KCNB2: variants seen among roughly 807,000 people sequenced by gnomAD.
KCNB2 encodes the protein delayed rectifier potassium channel protein.
KCNB2 carries 15 observed loss-of-function variants against 61.5 expected under a neutral mutation model. The observed-to-expected ratio is 0.24, with a 90% confidence interval of 0.16 to 0.38. KCNB2 has a LOEUF of 0.38. Among genes scored for constraint, KCNB2 ranks in the 10% least tolerant of loss-of-function variants. The pLI is 1.00. For synonymous variants in KCNB2, 457 were observed against 446.0 expected, an observed-to-expected ratio of 1.02 and a Z score of -0.31; for missense variants, 828 against 1,125.2, an observed-to-expected ratio of 0.74 and a Z score of 3.78.
chr8:72,550,903 G>A (rs774126834), intron 1 of KCNB2, among the ~76,000 whole-genome samples: 1 of 152,180 alleles, frequency 6.6e-6, no homozygotes, highest in Non-Finnish European at 1.5e-5. Context: ...AGACAGGCAG[G>A]GCTGACAGAG....
chr8:72,569,644 T>C (rs912048375), intron 2 of KCNB2, among the ~76,000 whole-genome samples: 2 of 149,888 alleles, frequency 1.3e-5, no homozygotes, highest in African/African-American at 5.0e-5. Context: ...AAAAAAAAAA[T>C]GTGCCGCATT....
intron 2 of KCNB2, among the ~76,000 whole-genome samples, chr8:72,693,978 T>C (rs1318142843): frequency 5.3e-5 from 8 of 152,196 alleles, no homozygotes; most frequent in Admixed American, 2.6e-4. Flanking sequence ...CCAAATATAA[T>C]ATAGAATGTT....
rs141729960 is a variant in KCNB2 at position 72,772,389 on chromosome 8, A to G, written c.580-163546A>G. 2.8e-3 allele frequency among the ~76,000 whole-genome samples: 428 copies of G among 152,276 alleles called. 2 individuals carry two copies. The highest frequency in any genetic ancestry group is 9.6e-3 in the African/African-American group (399 of 41,564). On this transcript the variant is annotated intron_variant, in intron 2 of 2. Coordinates refer to ENST00000523207, the MANE Select transcript of KCNB2 (RefSeq NM_004770.3). ...AGTCATGACAATCAAATTGTCTCCA[A>G]TTGGTTAAATCAGTCATTGCTAAAT... is the stretch of plus-strand genomic sequence containing the variant.
At chr8:72,707,313 C>G (rs1291823672) in intron 2 of KCNB2, among the ~76,000 whole-genome samples, 1 of 152,184 alleles carries the variant, frequency 6.6e-6, no homozygotes, top group Non-Finnish European at 1.5e-5. Context: ...TTAAATTCTT[C>G]TTGGGAGCCC....
At chr8:72,702,761 G>C (rs35420720) in intron 2 of KCNB2, among the ~76,000 whole-genome samples, 8 of 152,092 alleles carry the variant, frequency 5.3e-5, no homozygotes, top group Admixed American at 5.2e-4. Context: ...TTTCAGCCTG[G>C]CTGACAGCTC....
At chr8:72,782,286 A>G (rs898577406) in intron 2 of KCNB2, among the ~76,000 whole-genome samples, 1 of 152,086 alleles carries the variant, frequency 6.6e-6, no homozygotes, top group Non-Finnish European at 1.5e-5. Context: ...TTGCTTAGAT[A>G]TAGGGAAAAA....
chr8:72,581,399 G>T (rs192982826), intron 2 of KCNB2, among the ~76,000 whole-genome samples: 123 of 152,314 alleles, frequency 8.1e-4, no homozygotes, highest in African/African-American at 2.8e-3. Flanking sequence ...CAGCTAGGTT[G>T]CAGCACTTGA....
chr8:72,897,244 C>A (rs1398038650), intron 2 of KCNB2, among the ~76,000 whole-genome samples: 1 of 150,802 alleles, frequency 6.6e-6, no homozygotes. Context: ...TAATAGAAAA[C>A]TAATAAAATA....
At position 72,676,672 on chromosome 8, in the gene KCNB2, G is replaced by A. The variant is rs537870899; in HGVS notation, c.579+108359G>A. Among the ~76,000 whole-genome samples, 26 of 152,054 alleles carry A rather than the reference G, an allele frequency of 1.7e-4. No homozygotes were observed. In the South Asian group the frequency reaches 4.6e-3, roughly 27 times the overall value. ...TGAAGAAAAAGTATTAACTATTAGC[G>A]GAATTCACTTATAAGTTGACTAGCC... On this transcript the variant is annotated intron_variant, in intron 2 of 2. Transcript: ENST00000523207.
chr8:72,619,545 T>TA (rs1554579745), intron 2 of KCNB2, among the ~76,000 whole-genome samples: 2,192 of 151,302 alleles, frequency 0.014, 44 homozygotes, highest in African/African-American at 0.051. Context: ...TTTTTTTTTT[T>TA]AATCACACAG....
chr8:72,841,737 T>C (rs1428150935), intron 2 of KCNB2, among the ~76,000 whole-genome samples: 2 of 149,834 alleles, frequency 1.3e-5, no homozygotes, highest in Non-Finnish European at 1.5e-5. Context: ...GTCTGTCTAT[T>C]ATTGTTGAAT....
At chr8:72,826,306 A>G (rs1208597584) in intron 2 of KCNB2, among the ~76,000 whole-genome samples, 2 of 152,192 alleles carry the variant, frequency 1.3e-5, no homozygotes, top group Non-Finnish European at 2.9e-5. Flanking sequence ...GTCTTCCCGT[A>G]GGATCCCATA....
intron 2 of KCNB2, among the ~76,000 whole-genome samples, chr8:72,853,918 G>C (rs1224154653): frequency 6.6e-6 from 1 of 152,140 alleles, no homozygotes; most frequent in East Asian, 1.9e-4. Context: ...CAAGTAGATA[G>C]ATATTTCCGC....
rs1263395065 is a variant in KCNB2, at chr8:72,898,942, G to A, written c.580-36993G>A. On this transcript the variant is annotated intron_variant, in intron 2 of 2. Transcript: ENST00000523207. ...ATTTGGCTTAGAATTATGGCCTCTA[G>A]CTTCATCCATTTCACTGCAAGGGAC... 2.6e-5 allele frequency among the ~76,000 whole-genome samples: 4 copies of A among 152,092 alleles called. No homozygotes were observed. In the East Asian group the frequency reaches 7.7e-4, roughly 29 times the overall value.
At chr8:72,554,335 G>A (rs1194327535) in intron 1 of KCNB2, among the ~76,000 whole-genome samples, 8 of 152,126 alleles carry the variant, frequency 5.3e-5, no homozygotes, top group African/African-American at 1.2e-4. Flanking sequence ...ATCTAAATCC[G>A]TATTTCTTAT....
chr8:72,614,125 A>G (rs1442756924), intron 2 of KCNB2, among the ~76,000 whole-genome samples: 2 of 152,198 alleles, frequency 1.3e-5, no homozygotes, highest in South Asian at 4.1e-4. Context: ...AGTGTAATGT[A>G]CAATCTGCAG....
intron 2 of KCNB2, among the ~76,000 whole-genome samples, chr8:72,579,173 C>G (rs1806850411): frequency 6.6e-6 from 1 of 152,190 alleles, no homozygotes; most frequent in Admixed American, 6.5e-5. Context: ...CTGCTCCGCT[C>G]AGAGCCCCAC....
chr8:72,797,715 T>G (rs1397933451), intron 2 of KCNB2, among the ~76,000 whole-genome samples: 4 of 152,160 alleles, frequency 2.6e-5, no homozygotes, highest in African/African-American at 9.7e-5. Flanking sequence ...CCACATCGCT[T>G]ACAGGGACAT....
intron 2 of KCNB2, among the ~76,000 whole-genome samples, chr8:72,603,210 G>A (rs1363163941): frequency 6.6e-6 from 1 of 152,096 alleles, no homozygotes; most frequent in African/African-American, 2.4e-5. Context: ...TTTATAAAGC[G>A]AAGTCCAATA....
Sources: gnomAD v4.1 joint callset for allele counts (sites outside exome capture counted in the v4.1 genomes callset) on GRCh38, gnomAD v4.1.1 for gene constraint, MANE v1.5 for transcripts, NCBI Gene and HGNC (gene_info 2026-07-23, HGNC 2026-07-21) for gene names.